Variants in DCP1A observed in about 807,000 individuals in gnomAD.
DCP1A encodes the protein decapping mRNA 1A, also known as mRNA-decapping enzyme 1A.
DCP1A carries 20 observed loss-of-function variants against 58.0 expected under a neutral mutation model. The ratio of observed to expected loss-of-function variants is 0.34; its 90% confidence interval spans 0.24 to 0.50. The LOEUF (loss-of-function observed/expected upper bound fraction) is 0.50. Ranked by LOEUF, DCP1A falls within the 20% of genes least tolerant of loss-of-function variation. The pLI, the probability that DCP1A is intolerant of heterozygous loss-of-function variation, is 0.98. For synonymous variants in DCP1A, 285 were observed against 275.1 expected, an observed-to-expected ratio of 1.04 and a Z score of -0.36; for missense variants, 613 against 712.2, an observed-to-expected ratio of 0.86 and a Z score of 1.59.
At chr3:53,312,128 TA>T (rs1430620192) in intron 5 of DCP1A, 112 bp downstream of exon 5, 3 of 1,228,562 alleles carry the variant, frequency 2.4e-6, no homozygotes, top group Non-Finnish European at 3.4e-6. Context: ...TTTTTGAACT[TA>T]TATTTCTGCC....
chr3:53,316,596 CTTTTTTT>C (rs11351636), intron 4 of DCP1A, among the ~76,000 whole-genome samples: 2 of 112,302 alleles, frequency 1.8e-5, no homozygotes, highest in African/African-American at 7.1e-5. Context: ...TTCTTCTTCC[CTTTTTTT>C]TTTTTTTTTT....
intron 3 of DCP1A, among the ~76,000 whole-genome samples, chr3:53,329,880 C>T (rs1314050662): frequency 6.6e-6 from 1 of 152,116 alleles, no homozygotes; most frequent in East Asian, 1.9e-4. Context: ...AAAAAGATGC[C>T]GTATCTAACA....
At chr3:53,313,886 A>T (rs894568195) in intron 4 of DCP1A, among the ~76,000 whole-genome samples, 5 of 152,100 alleles carry the variant, frequency 3.3e-5, no homozygotes, top group Non-Finnish European at 2.9e-5. Context: ...AAAAGAAAAA[A>T]CAGAATCCTT....
At chr3:53,329,795 T>C (rs1299594136) in intron 3 of DCP1A, among the ~76,000 whole-genome samples, 4 of 152,222 alleles carry the variant, frequency 2.6e-5, no homozygotes, top group Non-Finnish European at 5.9e-5. Flanking sequence ...TGGCATTAAG[T>C]GGGAGATACA....
intron 3 of DCP1A, among the ~76,000 whole-genome samples, chr3:53,330,979 C>A (rs1300236738): frequency 6.6e-6 from 1 of 151,612 alleles, no homozygotes; most frequent in Non-Finnish European, 1.5e-5. Context: ...CTGCCTCAGC[C>A]TCCTAAGTAG....
chr3:53,292,388 A>T lies in DCP1A; in HGVS notation c.1064T>A (p.Leu355His). 1 of 1,613,508 alleles carries T rather than the reference A, an allele frequency of 6.2e-7. No individual in the cohort carries two copies. ...VKTTPRQRSPLLNQPVPELSH... is the reference protein window; with the variant it reads ...VKTTPRQRSPHLNQPVPELSH... ...TAGCTCAGGGACTGGCTGGTTCAGG[A>T]GTGGAGACCTCTGTCTAGGCGTGGT... Residue 355 changes from leucine (L) to histidine (H), a missense_variant, in exon 7 of 10, where the codon CTC becomes CAC. By Grantham distance (99) the Leu-to-His change is moderately conservative (BLOSUM62 -3). Transcript: ENST00000610213.
chr3:53,316,986 T>C (rs1045167952), intron 4 of DCP1A, among the ~76,000 whole-genome samples: 2 of 152,198 alleles, frequency 1.3e-5, no homozygotes, highest in African/African-American at 4.8e-5. Flanking sequence ...CCCTGATAGA[T>C]AAACGGTTTT....
chr3:53,330,767 C>A (rs1225595568), intron 3 of DCP1A, among the ~76,000 whole-genome samples: 10 of 150,624 alleles, frequency 6.6e-5, no homozygotes, highest in Non-Finnish European at 1.3e-4. Context: ...GGTATGTATC[C>A]GAGTTAATCA....
At chr3:53,300,339 CT>C (rs34299781) in intron 6 of DCP1A, among the ~76,000 whole-genome samples, 57 of 139,500 alleles carry the variant, frequency 4.1e-4, no homozygotes, top group Middle Eastern at 3.7e-3. Flanking sequence ...TGCTTTATGA[CT>C]TTTTTTTTTT....
In DCP1A at chr3:53,285,942, T is replaced by C. The variant is rs782143973; in HGVS notation, c.*1638A>G. The stretch of plus-strand genomic sequence containing the variant: ...ATTCACAATTGAGCATGAAAACTTA[T>C]AAGCTTCCCTGAATTCTGCACAATT... On this transcript the variant is annotated 3_prime_UTR_variant, in exon 10 of 10. Coordinates refer to ENST00000610213, the MANE Select transcript of DCP1A (RefSeq NM_018403.7). The C allele has an allele frequency of 2.6e-5, 4 of 152,212 alleles. No individual in the cohort carries two copies. The highest frequency in any genetic ancestry group is 2.1e-4 in the South Asian group (1 of 4,832). 9.4% of individuals were successfully genotyped at this position (152,212 alleles called of 1,614,324 possible).
At chr3:53,301,973 C>T (rs1367617743) in intron 6 of DCP1A, among the ~76,000 whole-genome samples, 2 of 152,008 alleles carry the variant, frequency 1.3e-5, no homozygotes, top group South Asian at 2.1e-4. Flanking sequence ...CAGAGGTAGA[C>T]GCAGAGGCAG....
intron 3 of DCP1A, chr3:53,332,954 C>A (rs542976808): frequency 1.4e-4 from 22 of 151,938 alleles, no homozygotes; most frequent in African/African-American, 3.9e-4. Context: ...TCCCTAAATT[C>A]TTTGGCTGAA....
intron 5 of DCP1A, 80 bp downstream of exon 5, chr3:53,312,161 T>C: frequency 6.9e-7 from 1 of 1,444,638 alleles, no homozygotes; most frequent in Non-Finnish European, 9.2e-7. Context: ...CCAGCTTCCC[T>C]AGTAAAATAG....
At chr3:53,339,383 C>A (rs782511566) in intron 3 of DCP1A, among the ~76,000 whole-genome samples, 18 of 152,138 alleles carry the variant, frequency 1.2e-4, no homozygotes, top group Non-Finnish European at 2.4e-4. Context: ...CATTAATGCA[C>A]TTTCTCCCCA....
chr3:53,290,285 T>C (rs1481793570), intron 8 of DCP1A, among the ~76,000 whole-genome samples: 2 of 152,148 alleles, frequency 1.3e-5, no homozygotes, highest in Non-Finnish European at 1.5e-5. Flanking sequence ...GAGAGGACTA[T>C]AGCAGGATAG....
intron 2 of DCP1A, among the ~76,000 whole-genome samples, chr3:53,343,907 G>C (rs1283222095): frequency 1.3e-5 from 2 of 152,140 alleles, no homozygotes; most frequent in African/African-American, 2.4e-5. Flanking sequence ...CACTGCACCC[G>C]GCCGATCCCT....
At chr3:53,344,152 G>A (rs1553692901) in intron 2 of DCP1A, among the ~76,000 whole-genome samples, 1 of 151,804 alleles carries the variant, frequency 6.6e-6, no homozygotes, top group African/African-American at 2.4e-5. Context: ...AAAAAAAAAG[G>A]GAAAAGACCA....
Position 53,287,545 on chromosome 3 carries a change from G to A in DCP1A, c.*35C>T, listed in dbSNP as rs782038321. ...ATGATGAAGCCTATTTGTCTCTGAG[G>A]CTGGGGCTCTGCCTTTAGACTTATT... On this transcript the variant is annotated 3_prime_UTR_variant, in exon 10 of 10. Transcript: ENST00000610213. The A allele has an allele frequency of 6.9e-7, 1 of 1,452,082 alleles. No individual in the cohort carries two copies. Among genetic ancestry groups the A allele is most frequent in the Admixed American group, 1.7e-5 (1 of 59,564 alleles). The allele number at this position is 1,452,082 out of a possible 1,614,324, so 89.9% of individuals were successfully genotyped here.
At chr3:53,311,034 G>A (rs1230846303) in intron 5 of DCP1A, among the ~76,000 whole-genome samples, 2 of 152,144 alleles carry the variant, frequency 1.3e-5, no homozygotes, top group African/African-American at 4.8e-5. Flanking sequence ...TTTACTTATT[G>A]CAGGACCTCT....
Sources: allele counts gnomAD v4.1 joint callset (sites outside exome capture counted in the v4.1 genomes callset), GRCh38; gene constraint gnomAD v4.1.1; transcripts MANE v1.5; gene names NCBI Gene and HGNC (gene_info 2026-07-23, HGNC 2026-07-21).